Variants in YAP1 observed in about 807,000 individuals in gnomAD.
The protein encoded by YAP1 is transcriptional coactivator YAP1.
In YAP1, 5 loss-of-function variants were observed where a neutral mutation model predicts 56.9. The observed-to-expected ratio is 0.09, with a 90% CI of 0.05 to 0.18. The LOEUF is 0.18. YAP1 is among the 10% of genes least tolerant of loss of function. The pLI is 1.00. For synonymous variants in YAP1, 265 were observed against 248.1 expected (o/e 1.07, Z -0.64); for missense variants, 539 against 651.8 (o/e 0.83, Z 1.88).
At position 102,230,249 on chromosome 11, in the gene YAP1, T is replaced by C; in HGVS notation, c.*309T>C. On this transcript the variant is annotated 3_prime_UTR_variant, in exon 9 of 9. Coordinates refer to ENST00000282441, the MANE Select transcript of YAP1 (RefSeq NM_001130145.3). ...CTGTTTGGATGATGGATGCCATTCC[T>C]TTTGCCCAGTTAAATGTTCACCAAT... is the stretch of plus-strand genomic sequence containing the variant. The C allele has an allele frequency of 4.3e-6, 1 of 234,570 alleles. No individual in the cohort carries two copies. 14.5% of individuals were successfully genotyped at this position (234,570 alleles called of 1,614,324 possible).
intron 6 of YAP1, among the ~76,000 whole-genome samples, chr11:102,215,012 G>T (rs1020543984): frequency 6.6e-6 from 1 of 152,084 alleles, no homozygotes; most frequent in Non-Finnish European, 1.5e-5. Flanking sequence ...CAAAAAAGTT[G>T]TTCTAAAGTT....
chr11:102,162,742 T>C (rs998345220), intron 3 of YAP1, among the ~76,000 whole-genome samples, 171 bp downstream of exon 3: 6 of 152,244 alleles, frequency 3.9e-5, no homozygotes, highest in Non-Finnish European at 7.3e-5. Context: ...TAAGCTATAT[T>C]ATTGCCTTGT....
Position 102,132,763 on chromosome 11 carries a change from T to C in YAP1, c.572+18369T>C, listed in dbSNP as rs1944441145. On this transcript the variant is annotated intron_variant, in intron 2 of 8. Coordinates refer to ENST00000282441, the MANE Select transcript of YAP1 (RefSeq NM_001130145.3). ...TTGTGCAAAGTGAATATAAACCGTT[T>C]ACACACATTGGTTACTCTTGTTTCA... Among the ~76,000 whole-genome samples the C allele has an allele frequency of 5.2e-5, 8 of 152,382 alleles. No individual in the cohort carries two copies. In the South Asian group the frequency reaches 1.7e-3, roughly 32 times the overall value.
intron 6 of YAP1, among the ~76,000 whole-genome samples, chr11:102,213,114 T>G (rs1355398307): frequency 6.6e-6 from 1 of 152,222 alleles, no homozygotes; most frequent in Non-Finnish European, 1.5e-5. Flanking sequence ...TGTTTTAAGG[T>G]CTTTTGAGAG....
chr11:102,117,725 G>A (rs1329765609), intron 2 of YAP1, among the ~76,000 whole-genome samples: 1 of 152,290 alleles, frequency 6.6e-6, no homozygotes, highest in East Asian at 1.9e-4. Flanking sequence ...TTTATCAGTG[G>A]CTTGTTTTCA....
chr11:102,129,964 A>G (rs1187429684), intron 2 of YAP1, among the ~76,000 whole-genome samples: 3 of 151,896 alleles, frequency 2.0e-5, no homozygotes, highest in African/African-American at 7.3e-5. Flanking sequence ...ATGCACCACC[A>G]CACCTGGCTA....
chr11:102,118,150 A>C (rs1481945945), intron 2 of YAP1, among the ~76,000 whole-genome samples: 1 of 152,218 alleles, frequency 6.6e-6, no homozygotes, highest in Non-Finnish European at 1.5e-5. Context: ...TGGATCAGTG[A>C]TTTTAAAAGT....
At chr11:102,223,444 T>A (rs1476517420) in intron 6 of YAP1, among the ~76,000 whole-genome samples, 178 bp from the exon 7 acceptor site, 4 of 152,126 alleles carry the variant, frequency 2.6e-5, no homozygotes, top group African/African-American at 9.7e-5. Context: ...TGTAACTTAA[T>A]TTTTAGTCAT....
intron 2 of YAP1, among the ~76,000 whole-genome samples, chr11:102,143,586 G>A (rs1945144357): frequency 6.6e-6 from 1 of 152,072 alleles, no homozygotes; most frequent in Non-Finnish European, 1.5e-5. Context: ...GTGCGATAAT[G>A]TGTGATACTA....
At chr11:102,121,743 GACTGCTGCCTCTGATTTTAGGC>G (rs902942370) in intron 2 of YAP1, among the ~76,000 whole-genome samples, 1 of 152,150 alleles carries the variant, frequency 6.6e-6, no homozygotes, top group African/African-American at 2.4e-5. Flanking sequence ...ATAAGTGGGG[GACTGCTGCCTCTGATTTTAGGC>G]ATTTCTTTTA....
At chr11:102,162,593 C>T in intron 3 of YAP1, 22 bp downstream of exon 3, 6 of 1,603,894 alleles carry the variant, frequency 3.7e-6, no homozygotes, top group East Asian at 2.2e-5. Context: ...ACTGTAATTA[C>T]AGCACATGGA....
At chr11:102,145,655 G>A (rs1032557246) in intron 2 of YAP1, among the ~76,000 whole-genome samples, 2 of 152,160 alleles carry the variant, frequency 1.3e-5, no homozygotes, top group African/African-American at 4.8e-5. Context: ...TTATTTGTGA[G>A]GCAGTAAATG....
chr11:102,139,048 A>G (rs1225050715), intron 2 of YAP1, among the ~76,000 whole-genome samples: 5 of 152,054 alleles, frequency 3.3e-5, no homozygotes, highest in Non-Finnish European at 5.9e-5. Context: ...GGCCCATGAA[A>G]ACAAGTTTTT....
intron 4 of YAP1, among the ~76,000 whole-genome samples, chr11:102,193,332 A>G (rs1022148314): frequency 1.3e-5 from 2 of 152,188 alleles, no homozygotes; most frequent in South Asian, 2.1e-4. Context: ...TTAAAATTTT[A>G]TGTTAAATTC....
intron 6 of YAP1, among the ~76,000 whole-genome samples, chr11:102,212,833 G>A (rs1328672363): frequency 2.0e-5 from 3 of 152,064 alleles, no homozygotes; most frequent in East Asian, 3.9e-4. Flanking sequence ...TGCCCACCTC[G>A]TCCTCCCAAA....
intron 3 of YAP1, among the ~76,000 whole-genome samples, chr11:102,171,461 C>T (rs1386327172): frequency 2.0e-5 from 3 of 152,194 alleles, no homozygotes; most frequent in Non-Finnish European, 4.4e-5. Flanking sequence ...AGTGGTAAAA[C>T]TTTCTTTAGG....
In YAP1 at chr11:102,186,102, G is replaced by C. The variant is rs1205855314; in HGVS notation, c.773G>C (p.Trp258Ser). Residue 258 changes from tryptophan to serine, a missense_variant, in exon 4 of 9, where the codon TGG becomes TCG. Trp to Ser is a radical substitution (Grantham distance 177, BLOSUM62 -3). This residue lies in a region of YAP1 where 414 missense variants were observed against 512.4 expected (regional missense o/e 0.81). Transcript: ENST00000282441. ...YINHKNKTTS[W>S]LDPRLDPRFA... ...AACCATAAGAACAAGACCACCTCTT[G>C]GCTAGACCCAAGGCTTGACCCTCGT... The C allele has an allele frequency of 6.2e-7, 1 of 1,612,374 alleles. No homozygotes were observed. Among genetic ancestry groups the C allele is most frequent in the South Asian group, 1.1e-5 (1 of 90,984 alleles).
At chr11:102,215,312 T>G (rs561739891) in intron 6 of YAP1, among the ~76,000 whole-genome samples, 1 of 152,316 alleles carries the variant, frequency 6.6e-6, no homozygotes, top group South Asian at 2.1e-4. Flanking sequence ...TTAATCTTCC[T>G]TAAACAAATT....
chr11:102,165,871 A>G (rs976343542), intron 3 of YAP1, among the ~76,000 whole-genome samples: 3 of 152,204 alleles, frequency 2.0e-5, no homozygotes, highest in African/African-American at 7.2e-5. Flanking sequence ...TTTAAATACT[A>G]TTAATAGTAG....
Sources: gnomAD v4.1 joint callset for allele counts (sites outside exome capture counted in the v4.1 genomes callset) on GRCh38, gnomAD v4.1.1 for gene constraint, gnomAD v4.1.1 regional missense constraint, MANE v1.5 for transcripts, NCBI Gene and HGNC (gene_info 2026-07-23, HGNC 2026-07-21) for gene names.